FARP1: variants seen among roughly 807,000 people sequenced by gnomAD.
FARP1 encodes FERM, ARHGEF and pleckstrin domain-containing protein 1.
Under a neutral mutation model 128.8 loss-of-function variants are expected in FARP1, and 52 were observed. That is an observed-to-expected ratio of 0.40 (90% CI 0.32 to 0.51). The LOEUF (loss-of-function observed/expected upper bound fraction) is 0.51. Ranked by LOEUF, FARP1 falls within the 20% of genes least tolerant of loss-of-function variation. The pLI is 0.45. For missense variants in FARP1, 1,333 were observed against 1,367.9 expected (o/e 0.97, Z 0.40); for synonymous variants, 580 against 551.8 (o/e 1.05, Z -0.72).
intron 9 of FARP1, among the ~76,000 whole-genome samples, chr13:98,389,033 A>AG (rs1352295877): frequency 3.9e-5 from 6 of 152,256 alleles, no homozygotes; most frequent in Admixed American, 2.0e-4. Context: ...GCGACGGAGG[A>AG]GGTGGGTGAT....
intron 2 of FARP1, among the ~76,000 whole-genome samples, chr13:98,291,496 G>A (rs1265273693): frequency 6.6e-6 from 1 of 152,126 alleles, no homozygotes; most frequent in Non-Finnish European, 1.5e-5. Flanking sequence ...GCTTTCCATC[G>A]TGGGCAGAGT....
chr13:98,172,738 G>C (rs1034728341), intron 1 of FARP1, among the ~76,000 whole-genome samples: 2 of 152,158 alleles, frequency 1.3e-5, no homozygotes, highest in African/African-American at 4.8e-5. Context: ...ACAGGATTTT[G>C]CCAGGCCCTT....
chr13:98,350,860 C>A (rs1888387893), intron 3 of FARP1, among the ~76,000 whole-genome samples: 1 of 152,150 alleles, frequency 6.6e-6, no homozygotes, highest in Non-Finnish European at 1.5e-5. Context: ...CCACCTCCTT[C>A]CTGCTGGTTC....
intron 2 of FARP1, among the ~76,000 whole-genome samples, chr13:98,216,625 A>G (rs1201515235): frequency 6.6e-6 from 1 of 152,154 alleles, no homozygotes; most frequent in Non-Finnish European, 1.5e-5. Flanking sequence ...TTAAAATGCA[A>G]ATCCCCTAAA....
intron 2 of FARP1, among the ~76,000 whole-genome samples, chr13:98,313,776 A>C (rs543123852): frequency 2.0e-5 from 3 of 152,198 alleles, no homozygotes; most frequent in Non-Finnish European, 4.4e-5. Flanking sequence ...ATGGCACAAC[A>C]CTGGGAAGGG....
intron 1 of FARP1, among the ~76,000 whole-genome samples, chr13:98,150,461 A>G (rs975683106): frequency 1.3e-5 from 2 of 152,234 alleles, no homozygotes; most frequent in African/African-American, 2.4e-5. Context: ...TATTTTGTGT[A>G]TAAATCCTTT....
chr13:98,358,037 G>C (rs1356239441), intron 3 of FARP1, among the ~76,000 whole-genome samples: 2 of 151,716 alleles, frequency 1.3e-5, no homozygotes, highest in African/African-American at 4.8e-5. Flanking sequence ...CTGGCCCTGT[G>C]AGCACTAGGC....
chr13:98,338,306 A>G (rs1480730598), intron 2 of FARP1, among the ~76,000 whole-genome samples: 1 of 152,076 alleles, frequency 6.6e-6, no homozygotes, highest in Non-Finnish European at 1.5e-5. Flanking sequence ...GTTAATCACT[A>G]ACTCCCCATT....
intron 2 of FARP1, among the ~76,000 whole-genome samples, chr13:98,335,867 G>A (rs113320193): frequency 0.02 from 3,102 of 152,240 alleles, 101 homozygotes; most frequent in African/African-American, 0.069. Context: ...CAAGGCCTTC[G>A]AGACCAGCCA....
At chr13:98,247,197 G>A (rs1883113673) in intron 2 of FARP1, among the ~76,000 whole-genome samples, 1 of 152,136 alleles carries the variant, frequency 6.6e-6, no homozygotes, top group Non-Finnish European at 1.5e-5. Flanking sequence ...AGCTGAGATC[G>A]CACCACTGCA....
At chr13:98,179,316 C>G (rs1402954099) in intron 1 of FARP1, among the ~76,000 whole-genome samples, 1 of 152,112 alleles carries the variant, frequency 6.6e-6, no homozygotes, top group Admixed American at 6.6e-5. Context: ...GGAAACTGCC[C>G]CCATGATTCA....
intron 3 of FARP1, among the ~76,000 whole-genome samples, chr13:98,353,236 T>C (rs1262470727): frequency 1.3e-5 from 2 of 152,156 alleles, no homozygotes; most frequent in Non-Finnish European, 2.9e-5. Context: ...GATGAAACTC[T>C]GCATAGTGGT....
intron 18 of FARP1, chr13:98,434,475 G>A (rs1312175273): frequency 5.9e-5 from 9 of 152,202 alleles, no homozygotes; most frequent in Non-Finnish European, 8.8e-5. Context: ...AATGCTGGGG[G>A]AAAGCAGTGA....
chr13:98,440,149 T>G lies in FARP1; in HGVS notation c.2543T>G (p.Val848Gly). The G allele has an allele frequency of 6.2e-7, 1 of 1,613,868 alleles. No individual in the cohort carries two copies. The highest frequency in any genetic ancestry group is 8.5e-7 in the Non-Finnish European group (1 of 1,179,898). Residue 848 changes from valine (V) to glycine (G), a missense_variant, in exon 23 of 27, where the codon GTT (valine) becomes GGT (glycine). Coordinates refer to ENST00000319562, the MANE Select transcript of FARP1 (RefSeq NM_005766.4). ...TCTCGGTCCGAGATGGAGAAGTGGG[T>G]TGAGGACATCCAGATGGCCATTGAC... ...ASSRSEMEKW[V>G]EDIQMAIDLA...
chr13:98,146,713 G>C (rs1205457616), intron 1 of FARP1, among the ~76,000 whole-genome samples: 1 of 152,188 alleles, frequency 6.6e-6, no homozygotes, highest in African/African-American at 2.4e-5. Context: ...TTTCTACTTT[G>C]GAAGGACAGG....
intron 1 of FARP1, among the ~76,000 whole-genome samples, chr13:98,179,117 A>G (rs1594237427): frequency 6.6e-6 from 1 of 152,206 alleles, no homozygotes; most frequent in East Asian, 1.9e-4. Context: ...GTAATTTACA[A>G]AAGAAAAAGG....
chr13:98,177,047 G>C, intron 1 of FARP1: 1 of 1,594,194 alleles, frequency 6.3e-7, no homozygotes, highest in Non-Finnish European at 8.5e-7. Context: ...CGGGGCCTCG[G>C]TGCCACCCGC....
At position 98,449,392 on chromosome 13, in the gene FARP1, G is replaced by A. The variant is rs944834374; in HGVS notation, c.*1075G>A. On this transcript the variant is annotated 3_prime_UTR_variant, in exon 27 of 27. Coordinates refer to ENST00000319562, the MANE Select transcript of FARP1 (RefSeq NM_005766.4). ...TCAGTCGGACTGCACAGGGAACACG[G>A]TTTCCAGTGGCTTTGGCCCCTACTC... The A allele has an allele frequency of 2.6e-5, 4 of 152,118 alleles. No individual in the cohort carries two copies. The highest frequency in any genetic ancestry group is 9.7e-5 in the African/African-American group (4 of 41,410). 9.4% of individuals were successfully genotyped at this position (152,118 alleles called of 1,614,324 possible).
chr13:98,379,073 GTAATATGTAATCTATATATAATATATATA>G (rs1337917311), intron 6 of FARP1, among the ~76,000 whole-genome samples: 7 of 52,146 alleles, frequency 1.3e-4, no homozygotes, highest in Admixed American at 9.3e-4. Flanking sequence ...TATAATATAT[GTAATATGTAATCTATATATAATATATATA>G]TAATATATAA....
Sources: gnomAD v4.1 joint callset for allele counts (sites outside exome capture counted in the v4.1 genomes callset) on GRCh38, gnomAD v4.1.1 for gene constraint, MANE v1.5 for transcripts, NCBI Gene and HGNC (gene_info 2026-07-23, HGNC 2026-07-21) for gene names.